Variants in SKIC3 observed in about 807,000 individuals in gnomAD.
SKIC3 encodes the protein SKI3 subunit of superkiller complex.
the SKIC3 span, among the ~76,000 whole-genome samples, chr5:95,539,934 T>C: frequency 4.3e-4 from 65 of 151,584 alleles, 1 homozygote; most frequent in Middle Eastern, 6.9e-3. Flanking sequence ...GAAGTCATTA[T>C]ACAAAAAAGA....
the SKIC3 span, chr5:95,524,479 T>A: frequency 6.2e-7 from 1 of 1,613,244 alleles, no homozygotes. Context: ...AGAAAGTGGG[T>A]AAGAGCCTTT....
chr5:95,464,455 G>A, the SKIC3 span: 2 of 587,742 alleles, frequency 3.4e-6, no homozygotes, highest in Middle Eastern at 4.6e-4. Context: ...ACAGAAAATT[G>A]CATTCCTAAC....
At chr5:95,482,117 G>A in the SKIC3 span, among the ~76,000 whole-genome samples, 1 of 152,014 alleles carries the variant, frequency 6.6e-6, no homozygotes, top group Non-Finnish European at 1.5e-5. Context: ...AAGTAGCTAG[G>A]GAGAAACTAT....
chr5:95,545,456 T>C, the SKIC3 span, among the ~76,000 whole-genome samples: 1 of 152,172 alleles, frequency 6.6e-6, no homozygotes, highest in Non-Finnish European at 1.5e-5. Flanking sequence ...TCCTAAATTC[T>C]TCATTGTGCC....
At chr5:95,470,288 T>A in the SKIC3 span, among the ~76,000 whole-genome samples, 1 of 152,090 alleles carries the variant, frequency 6.6e-6, no homozygotes, top group South Asian at 2.1e-4. Context: ...AACAATTCAA[T>A]TCTTATTGAG....
At chr5:95,541,885 T>C in the SKIC3 span, 1 of 1,612,606 alleles carries the variant, frequency 6.2e-7, no homozygotes, top group Admixed American at 1.7e-5. Context: ...TGATTATATT[T>C]CTCATACAAG....
At chr5:95,545,313 C>G in the SKIC3 span, among the ~76,000 whole-genome samples, 10,703 of 152,108 alleles carry the variant, frequency 0.07, 448 homozygotes, top group South Asian at 0.14. Context: ...TCCTTGCATC[C>G]CTGCTGGGCT....
chr5:95,467,547 A>C, the SKIC3 span, among the ~76,000 whole-genome samples: 1 of 152,180 alleles, frequency 6.6e-6, no homozygotes. Flanking sequence ...AGGTTTTAAC[A>C]GTTCTGTTAT....
the SKIC3 span, among the ~76,000 whole-genome samples, chr5:95,545,964 A>G: frequency 1.3e-5 from 2 of 152,140 alleles, no homozygotes; most frequent in African/African-American, 4.8e-5. Context: ...CAGTTCAATT[A>G]CTGTAGTGGT....
At chr5:95,503,207 G>A in the SKIC3 span, among the ~76,000 whole-genome samples, 1 of 152,102 alleles carries the variant, frequency 6.6e-6, no homozygotes, top group South Asian at 2.1e-4. Flanking sequence ...AGTATCATTA[G>A]GATTATTATG....
chr5:95,500,473 TTTAACA>T, the SKIC3 span, among the ~76,000 whole-genome samples: 1 of 152,188 alleles, frequency 6.6e-6, no homozygotes, highest in Non-Finnish European at 1.5e-5. Context: ...TCCCCCCTTC[TTTAACA>T]TTAATAAAGG....
chr5:95,523,715 A>T, the SKIC3 span: 1 of 1,613,778 alleles, frequency 6.2e-7, no homozygotes, highest in South Asian at 1.1e-5. Context: ...CATCAGTGTC[A>T]TCTAATTCAA....
At chr5:95,468,729 C>T in the SKIC3 span, among the ~76,000 whole-genome samples, 4 of 152,142 alleles carry the variant, frequency 2.6e-5, no homozygotes, top group Middle Eastern at 3.4e-3. Flanking sequence ...GTAGTAAGCA[C>T]GTTGTTATTT....
At chr5:95,543,358 A>G in the SKIC3 span, 1 of 1,611,704 alleles carries the variant, frequency 6.2e-7, no homozygotes, top group Non-Finnish European at 8.5e-7. Flanking sequence ...AGAGTAGGTT[A>G]GTAAATTTTC....
chr5:95,499,978 T>C, the SKIC3 span, among the ~76,000 whole-genome samples: 4 of 152,106 alleles, frequency 2.6e-5, 1 homozygote, highest in Non-Finnish European at 5.9e-5. Context: ...AGAATTATTA[T>C]GAATTTTATA....
chr5:95,467,961 C>G, the SKIC3 span: 1 of 1,613,352 alleles, frequency 6.2e-7, no homozygotes, highest in African/African-American at 1.3e-5. Flanking sequence ...GGCTGATATA[C>G]CACTCTTTCC....
the SKIC3 span, among the ~76,000 whole-genome samples, chr5:95,476,015 A>C: frequency 6.6e-6 from 1 of 152,216 alleles, no homozygotes; most frequent in Non-Finnish European, 1.5e-5. Flanking sequence ...CTCCATGCCC[A>C]CATTACTTTT....
the SKIC3 span, chr5:95,478,456 A>G: frequency 5.2e-5 from 84 of 1,613,586 alleles, no homozygotes; most frequent in Non-Finnish European, 6.8e-5. Flanking sequence ...AGAAACAAAA[A>G]AGGAGAAGGA....
chr5:95,482,423 A>AT, the SKIC3 span: 1 of 1,572,518 alleles, frequency 6.4e-7, no homozygotes, highest in South Asian at 1.1e-5. Context: ...ATTAACTAAT[A>AT]TTATGAAGTG....
Sources: allele counts gnomAD v4.1 joint callset (sites outside exome capture counted in the v4.1 genomes callset), GRCh38; gene constraint gnomAD v4.1.1; transcripts MANE v1.5; gene names NCBI Gene and HGNC (gene_info 2026-07-23, HGNC 2026-07-21).